GRID2: variants seen among roughly 807,000 people sequenced by gnomAD.
GRID2 encodes glutamate ionotropic receptor delta type subunit 2, also known as glutamate receptor ionotropic, delta-2.
A neutral mutation model predicts 114.8 loss-of-function variants in GRID2; 33 were observed. The ratio of observed to expected loss-of-function variants is 0.29; its 90% CI spans 0.22 to 0.38. The LOEUF (loss-of-function observed/expected upper bound fraction) is 0.38, where lower values mean the gene tolerates loss of function less well. GRID2 is among the 10% of genes least tolerant of loss of function. GRID2 has a pLI of 1.00. For missense variants in GRID2, 1,184 were observed against 1,257.7 expected (o/e 0.94, Z 0.89); for synonymous variants, 505 against 449.9 (o/e 1.12, Z -1.55).
At chr4:92,816,131 C>A (rs1205193490) in intron 2 of GRID2, among the ~76,000 whole-genome samples, 2 of 151,126 alleles carry the variant, frequency 1.3e-5, no homozygotes, top group East Asian at 3.9e-4. Flanking sequence ...GCCTAGGCAA[C>A]ATGGTGAAAC....
At chr4:92,528,206 A>G (rs1725137480) in intron 1 of GRID2, among the ~76,000 whole-genome samples, 1 of 151,736 alleles carries the variant, frequency 6.6e-6, no homozygotes, top group South Asian at 2.1e-4. Context: ...TAACTGGAAA[A>G]GATAACAAAA....
chr4:93,755,628 GC>G (rs1210626476), intron 14 of GRID2, among the ~76,000 whole-genome samples: 1 of 152,142 alleles, frequency 6.6e-6, no homozygotes, highest in African/African-American at 2.4e-5. Context: ...GTTAACATAT[GC>G]CCAAAGAGGT....
chr4:93,527,285 C>G (rs1252078871), intron 13 of GRID2, among the ~76,000 whole-genome samples: 1 of 152,148 alleles, frequency 6.6e-6, no homozygotes, highest in Non-Finnish European at 1.5e-5. Context: ...ATCCATAACT[C>G]TATTATTTTT....
intron 14 of GRID2, among the ~76,000 whole-genome samples, chr4:93,628,939 G>A (rs1461746034): frequency 1.3e-5 from 2 of 151,858 alleles, no homozygotes; most frequent in Non-Finnish European, 2.9e-5. Flanking sequence ...CTAATTTTTT[G>A]TATTTTTAGT....
intron 14 of GRID2, among the ~76,000 whole-genome samples, chr4:93,693,788 A>G (rs1380493024): frequency 1.3e-5 from 2 of 152,158 alleles, no homozygotes; most frequent in East Asian, 1.9e-4. Context: ...AGCACCAGTA[A>G]TTTGGGACCA....
At chr4:93,535,499 T>C (rs572390040) in intron 13 of GRID2, among the ~76,000 whole-genome samples, 1 of 152,026 alleles carries the variant, frequency 6.6e-6, no homozygotes, top group African/African-American at 2.4e-5. Context: ...GCTGTAAAAA[T>C]TGACATTCCC....
intron 13 of GRID2, among the ~76,000 whole-genome samples, chr4:93,522,289 G>T (rs562242262): frequency 6.6e-6 from 1 of 152,100 alleles, no homozygotes; most frequent in Non-Finnish European, 1.5e-5. Flanking sequence ...GAGATTTGAA[G>T]AAAGAGAAAA....
chr4:92,645,605 C>T (rs189234625), intron 2 of GRID2, among the ~76,000 whole-genome samples: 2 of 151,708 alleles, frequency 1.3e-5, no homozygotes, highest in South Asian at 2.1e-4. Context: ...ATATAGATTT[C>T]TATTACTCCA....
At chr4:92,696,580 A>G (rs1734434325) in intron 2 of GRID2, among the ~76,000 whole-genome samples, 1 of 152,150 alleles carries the variant, frequency 6.6e-6, no homozygotes. Context: ...ACCAAACTAT[A>G]TTCATGCTAA....
chr4:93,169,440 TTTG>T (rs1384307819), intron 4 of GRID2, among the ~76,000 whole-genome samples: 1 of 152,200 alleles, frequency 6.6e-6, no homozygotes, highest in African/African-American at 2.4e-5. Flanking sequence ...ATTTACTAAC[TTTG>T]TTGTTTATAT....
chr4:92,495,094 G>A (rs907068043), intron 1 of GRID2, among the ~76,000 whole-genome samples: 2 of 152,082 alleles, frequency 1.3e-5, no homozygotes, highest in East Asian at 1.9e-4. Context: ...AAGCATTCAT[G>A]TGGAATCTAT....
In GRID2 at chr4:93,398,123, A is replaced by ATGTGTGTGTGTG. The variant is rs151125359; in HGVS notation, c.1347+2426_1347+2427insGTGTGTGTGTGT. Among the ~76,000 whole-genome samples the ATGTGTGTGTGTG allele has an allele frequency of 2.1e-3, 273 of 131,324 alleles. 6 individuals carry two copies. The highest frequency in any genetic ancestry group is 7.2e-3 in the African/African-American group (223 of 30,932). The allele number at this position is 131,324 out of a possible 152,430, so 86.2% of individuals were successfully genotyped here. A position where few individuals can be genotyped will look rare whatever the true frequency, so the allele number is the denominator to read the frequency against. ...TCCAGAAGTTGAAATACATACATGT[A>ATGTGTGTGTGTG]TGTGTGTGTGTATATATATATATAT... On this transcript the variant is annotated intron_variant, in intron 9 of 15. Transcript: ENST00000282020.
intron 1 of GRID2, among the ~76,000 whole-genome samples, chr4:92,440,935 A>C (rs28877577): frequency 0.36 from 54,526 of 151,024 alleles, 10,905 homozygotes; most frequent in African/African-American, 0.55. Flanking sequence ...AAAGTATATG[A>C]ATCAGGTATG....
At chr4:92,471,865 A>C (rs1395155254) in intron 1 of GRID2, among the ~76,000 whole-genome samples, 1 of 149,274 alleles carries the variant, frequency 6.7e-6, no homozygotes, top group East Asian at 2.0e-4. Context: ...TACAATCTAC[A>C]TTGCATTTCT....
intron 2 of GRID2, among the ~76,000 whole-genome samples, chr4:92,925,124 A>G (rs1032574011): frequency 1.3e-5 from 2 of 152,134 alleles, no homozygotes; most frequent in Non-Finnish European, 2.9e-5. Flanking sequence ...CTGTAACATT[A>G]TCAGCAGAAG....
chr4:93,031,323 T>G (rs1382362526), intron 2 of GRID2, among the ~76,000 whole-genome samples: 1 of 152,088 alleles, frequency 6.6e-6, no homozygotes, highest in Non-Finnish European at 1.5e-5. Context: ...GGATAATAGG[T>G]GTGAGCCACC....
chr4:92,369,058 A>G (rs891711626), intron 1 of GRID2, among the ~76,000 whole-genome samples: 12 of 152,116 alleles, frequency 7.9e-5, no homozygotes, highest in African/African-American at 2.9e-4. Flanking sequence ...TCGCCCTAAA[A>G]ATTTGATCAG....
chr4:93,796,059 A>G (rs892565689), intron 1 of GRID2, among the ~76,000 whole-genome samples: 1 of 152,126 alleles, frequency 6.6e-6, no homozygotes, highest in African/African-American at 2.4e-5. Flanking sequence ...CTTACTGGCT[A>G]TTGACCTGAG....
At chr4:93,305,653 G>C (rs192413981) in intron 8 of GRID2, among the ~76,000 whole-genome samples, 1 of 152,152 alleles carries the variant, frequency 6.6e-6, no homozygotes, top group African/African-American at 2.4e-5. Flanking sequence ...TGCAAGAATC[G>C]TTGGAATTTA....
Sources: gnomAD v4.1 joint callset for allele counts (sites outside exome capture counted in the v4.1 genomes callset) on GRCh38, gnomAD v4.1.1 for gene constraint, MANE v1.5 for transcripts, NCBI Gene and HGNC (gene_info 2026-07-23, HGNC 2026-07-21) for gene names.